Variants in BCLAF1 observed in about 807,000 individuals in gnomAD.
BCLAF1 encodes the protein BCL2 associated transcription factor 1.
Under a neutral mutation model 99.5 loss-of-function variants are expected in BCLAF1, and 10 were observed. That is an observed-to-expected ratio of 0.10 (90% CI 0.06 to 0.17). The LOEUF is 0.17. Among genes scored for constraint, BCLAF1 ranks in the 10% least tolerant of loss-of-function variants. The probability of loss-of-function intolerance (pLI) is 1.00; values close to 1 mark genes in which losing one functional copy is unlikely to be tolerated. For synonymous variants in BCLAF1, 255 were observed against 370.9 expected, an observed-to-expected ratio of 0.69 and a Z score of 3.59; for missense variants, 636 against 1,105.8, an observed-to-expected ratio of 0.58 and a Z score of 6.02.
In BCLAF1 at chr6:136,278,029, G is replaced by A; in HGVS notation, c.852C>T (p.Tyr284=). 3 of 1,598,088 alleles carry A rather than the reference G, an allele frequency of 1.9e-6. No individual in the cohort carries two copies. The highest frequency in any genetic ancestry group is 2.6e-6 in the Non-Finnish European group (3 of 1,170,244). ...GAATTGGACTATTCTGAGAAGGACT[G>A]TATCGACTAGATCCATTTCCAACAG... ...SGSVGNGSSR[Y]SPSQNSPIHH... The change falls in exon 4 of 13, where the codon TAC becomes TAT. Residue 284 remains tyrosine (Y), a synonymous_variant. Coordinates refer to ENST00000531224, the MANE Select transcript of BCLAF1 (RefSeq NM_014739.3).
intron 8 of BCLAF1, among the ~76,000 whole-genome samples, chr6:136,270,802 A>G (rs1189211296): frequency 6.6e-6 from 1 of 151,860 alleles, no homozygotes; most frequent in Admixed American, 6.6e-5. Context: ...AATCTGGTCT[A>G]TGTAATGAGG....
At chr6:136,268,552 T>G in intron 9 of BCLAF1, 1 of 497,282 alleles carries the variant, frequency 2.0e-6, no homozygotes, top group South Asian at 2.5e-5. Flanking sequence ...TGCTAGGGCC[T>G]GCCAGTTAGA....
chr6:136,266,230 A>G (rs756126949), intron 11 of BCLAF1, among the ~76,000 whole-genome samples: 3 of 152,138 alleles, frequency 2.0e-5, no homozygotes, highest in Non-Finnish European at 2.9e-5. Flanking sequence ...CCAACTGAAA[A>G]AGTCAACAAT....
At chr6:136,279,651 G>C in intron 3 of BCLAF1, 112 bp downstream of exon 3, 2 of 1,114,092 alleles carry the variant, frequency 1.8e-6, no homozygotes, top group Non-Finnish European at 2.3e-6. Context: ...CCATTTCACA[G>C]GGTTCTTTGA....
At chr6:136,270,910 CAAA>C in intron 8 of BCLAF1, among the ~76,000 whole-genome samples, 1 of 151,164 alleles carries the variant, frequency 6.6e-6, no homozygotes, top group Middle Eastern at 3.4e-3. Context: ...AGTTAAAAAC[CAAA>C]AAAAGTATTC....
At chr6:136,289,462 T>C (rs1054494820) in intron 1 of BCLAF1, among the ~76,000 whole-genome samples, 3 of 151,718 alleles carry the variant, frequency 2.0e-5, no homozygotes, top group Non-Finnish European at 4.4e-5. Context: ...GGGCTGTGGG[T>C]CTCCAGGCAG....
At position 136,276,282 on chromosome 6, in the gene BCLAF1, C is replaced by A. The variant is rs765982606; in HGVS notation, c.1243G>T (p.Val415Phe). 1.3e-5 allele frequency: 21 copies of A among 1,590,856 alleles called. No individual in the cohort carries two copies. The highest frequency in any genetic ancestry group is 1.3e-5 in the Non-Finnish European group (15 of 1,170,196). ...AAACTTTTACCCTGATCTGCGAGGA[C>A]TGACTTCCTGAACTGTCTATAATCC... The part of the protein sequence containing the change: ...TEDYRQFRKS[V>F]LADQGKSFAT... The change falls in exon 5 of 13, where the codon GTC becomes TTC. Residue 415 changes from valine to phenylalanine, a missense_variant. Transcript: ENST00000531224.
intron 9 of BCLAF1, chr6:136,268,943 T>C (rs749167818): frequency 8.4e-6 from 2 of 239,146 alleles, no homozygotes; most frequent in Non-Finnish European, 1.5e-5. Context: ...AGGTCATACC[T>C]GTGGTTAACT....
chr6:136,269,630 A>G lies in BCLAF1; in HGVS notation c.2044-18T>C, dbSNP rs538072148. On this transcript the variant is annotated intron_variant, in intron 8 of 12. Coordinates refer to ENST00000531224, the MANE Select transcript of BCLAF1 (RefSeq NM_014739.3). Reference sequence around the variant, plus strand: ...TTATCTCCCTATAAAAGACAGATATAAAATACAGATTTCAGGGGAGAAATA... The same window carrying G: ...TTATCTCCCTATAAAAGACAGATATGAAATACAGATTTCAGGGGAGAAATA... 2.6e-5 allele frequency: 41 copies of G among 1,557,402 alleles called. No individual in the cohort carries two copies. In the African/African-American group the frequency reaches 4.0e-4, roughly 15 times the overall value.
In BCLAF1 at chr6:136,259,501, T is replaced by C. The variant is rs1780719451; in HGVS notation, c.*1609A>G. The C allele has an allele frequency of 6.6e-6, 1 of 152,092 alleles. No homozygotes were observed. 9.4% of individuals were successfully genotyped at this position (152,092 alleles called of 1,614,324 possible). ...AGAATATTAGTTATGCCCTGATTAA[T>C]GCAATACATACTTCCTTTGGCAGGT... On this transcript the variant is annotated 3_prime_UTR_variant, in exon 13 of 13. Coordinates refer to ENST00000531224, the MANE Select transcript of BCLAF1 (RefSeq NM_014739.3).
At chr6:136,282,339 C>T (rs1784482406) in intron 2 of BCLAF1, among the ~76,000 whole-genome samples, 2 of 151,854 alleles carry the variant, frequency 1.3e-5, no homozygotes, top group South Asian at 4.1e-4. Context: ...TGTCCTGAGT[C>T]TTTTAGTAGA....
chr6:136,276,646 C>T (rs1235157911), intron 4 of BCLAF1, 138 bp from the exon 5 acceptor site: 1 of 1,042,790 alleles, frequency 9.6e-7, no homozygotes, highest in Non-Finnish European at 1.3e-6. Flanking sequence ...TTTTCAGATT[C>T]CACTTTTAAA....
chr6:136,288,165 GAATT>G (rs1195737296), intron 1 of BCLAF1, among the ~76,000 whole-genome samples: 1 of 152,188 alleles, frequency 6.6e-6, no homozygotes, highest in Non-Finnish European at 1.5e-5. Context: ...TTAATTATCT[GAATT>G]AAACAAGATA....
At chr6:136,278,955 TGA>T (rs1217672591) in intron 3 of BCLAF1, among the ~76,000 whole-genome samples, 179 bp from the exon 4 acceptor site, 2 of 147,332 alleles carry the variant, frequency 1.4e-5, no homozygotes, top group South Asian at 2.1e-4. Context: ...AGGTAAATAC[TGA>T]GAGAATACCT....
At chr6:136,284,130 G>GTGTATATATATATA (rs36141174) in intron 1 of BCLAF1, among the ~76,000 whole-genome samples, 136 of 122,086 alleles carry the variant, frequency 1.1e-3, no homozygotes, top group African/African-American at 2.1e-3. Context: ...GTGTGTGTGT[G>GTGTATATATATATA]TATATATATA....
At chr6:136,267,253 G>GT in intron 10 of BCLAF1, 78 bp from the exon 11 acceptor site, 1 of 1,469,738 alleles carries the variant, frequency 6.8e-7, no homozygotes, top group East Asian at 2.3e-5. Context: ...TTTTACTGCA[G>GT]TAACAAAAAA....
At chr6:136,282,313 GTCTT>G (rs1284497734) in intron 2 of BCLAF1, among the ~76,000 whole-genome samples, 2 of 152,038 alleles carry the variant, frequency 1.3e-5, no homozygotes, top group South Asian at 2.1e-4. Flanking sequence ...TTAAGTAGCA[GTCTT>G]TCTATCTTGT....
chr6:136,279,593 T>C (rs909236881), intron 3 of BCLAF1, 170 bp downstream of exon 3: 1 of 656,692 alleles, frequency 1.5e-6, no homozygotes, highest in South Asian at 7.0e-5. Context: ...TAGAGCTTGT[T>C]ACCTGGACAT....
chr6:136,284,130 G>GTGTGTGTATATATATATATATATA (rs36141174), intron 1 of BCLAF1, among the ~76,000 whole-genome samples: 1 of 122,120 alleles, frequency 8.2e-6, no homozygotes, highest in African/African-American at 4.1e-5. Flanking sequence ...GTGTGTGTGT[G>GTGTGTGTATATATATATATATATA]TATATATATA....
Sources: gnomAD v4.1 joint callset for allele counts (sites outside exome capture counted in the v4.1 genomes callset) on GRCh38, gnomAD v4.1.1 for gene constraint, MANE v1.5 for transcripts, NCBI Gene and HGNC (gene_info 2026-07-23, HGNC 2026-07-21) for gene names.